The following CCDC18 variants were observed in gnomAD, a reference collection of about 807,000 sequenced individuals.
The protein encoded by CCDC18 is coiled-coil domain containing 18.
In CCDC18, 157 loss-of-function variants were observed where a neutral mutation model predicts 196.0. The observed-to-expected ratio is 0.80, with a 90% CI of 0.70 to 0.91. The LOEUF (loss-of-function observed/expected upper bound fraction) is 0.91, where lower values mean the gene tolerates loss of function less well. CCDC18 is among the 40% of genes least tolerant of loss of function. The pLI is 0.00. For missense variants in CCDC18, 1,465 were observed against 1,611.6 expected (o/e 0.91, Z 1.56); for synonymous variants, 482 against 529.2 (o/e 0.91, Z 1.22).
intron 23 of CCDC18, among the ~76,000 whole-genome samples, chr1:93,253,711 G>A (rs561602900): frequency 1.3e-5 from 2 of 152,334 alleles, no homozygotes; most frequent in South Asian, 4.1e-4. Flanking sequence ...TAGTATGCAT[G>A]ATTCCTTATG....
chr1:93,183,374 T>C lies in CCDC18; in HGVS notation c.13T>C (p.Ser5Pro). 1.3e-6 allele frequency: 2 copies of C among 1,565,116 alleles called. No homozygotes were observed. The highest frequency in any genetic ancestry group is 2.5e-5 in the South Asian group (2 of 81,544). The change falls in exon 2 of 29, where the codon TCA becomes CCA. Residue 5 changes from serine to proline, a missense_variant. Transcript: ENST00000690025. ...TTTTTTTTAAGAAATGGAATCTAGT[T>C]CATCAGACTACTATAATAAAGACAA... Reference protein sequence around the residue: MESSSSDYYNKDNEE... With the variant: MESSPSDYYNKDNEE...
chr1:93,180,820 C>A lies in CCDC18; in HGVS notation c.-35C>A. The A allele has an allele frequency of 7.3e-7, 1 of 1,367,750 alleles. No individual in the cohort carries two copies. Among genetic ancestry groups the A allele is most frequent in the Non-Finnish European group, 9.8e-7 (1 of 1,022,000 alleles). 84.7% of individuals were successfully genotyped at this position (1,367,750 alleles called of 1,614,324 possible). Reference sequence around the variant, plus strand: ...CGGGAAAGGGTCAGAGGCTTCCTAACGCAGACTCGAGTGCGAAGCGCGCAG... The same window carrying A: ...CGGGAAAGGGTCAGAGGCTTCCTAAAGCAGACTCGAGTGCGAAGCGCGCAG... On this transcript the variant is annotated 5_prime_UTR_variant, in exon 1 of 29. Transcript: ENST00000690025.
At chr1:93,229,051 C>T (rs534139068) in intron 17 of CCDC18, among the ~76,000 whole-genome samples, 2 of 152,216 alleles carry the variant, frequency 1.3e-5, no homozygotes, top group African/African-American at 2.4e-5. Flanking sequence ...GCCTTCCCAG[C>T]AGCTGGGATT....
At chr1:93,180,544 C>T (rs1649369575), upstream of CCDC18, 5 of 1,498,528 alleles carry the variant, frequency 3.3e-6, no homozygotes, top group African/African-American at 2.8e-5. Flanking sequence ...GCTTCCCCCA[C>T]CAATGGGCAT....
chr1:93,273,822 A>G (rs1665486475), intron 28 of CCDC18, among the ~76,000 whole-genome samples: 1 of 152,348 alleles, frequency 6.6e-6, no homozygotes, highest in Admixed American at 6.5e-5. Context: ...ACAGACTGTG[A>G]TCATAACAAT....
intron 16 of CCDC18, among the ~76,000 whole-genome samples, chr1:93,222,930 C>T (rs575352491): frequency 6.6e-6 from 1 of 152,038 alleles, no homozygotes; most frequent in South Asian, 2.1e-4. Flanking sequence ...TTTCCCTATT[C>T]TGTTTTTAAT....
intron 12 of CCDC18, 135 bp from the exon 13 acceptor site, chr1:93,216,501 T>A (rs1202498609): frequency 2.1e-6 from 1 of 483,372 alleles, no homozygotes; most frequent in Admixed American, 4.3e-5. Flanking sequence ...TCCTAAATGT[T>A]TATAACTGTA....
chr1:93,247,310 C>A (rs1282882512), intron 23 of CCDC18, among the ~76,000 whole-genome samples: 2 of 152,088 alleles, frequency 1.3e-5, no homozygotes, highest in Admixed American at 6.5e-5. Flanking sequence ...TTCTTGATTT[C>A]TTTTTCACAT....
Position 93,205,577 on chromosome 1 carries a change from A to G in CCDC18, c.863A>G (p.Gln288Arg). The change falls in exon 8 of 29, where the codon CAA becomes CGA. Residue 288 changes from glutamine (Q) to arginine (R), a missense_variant. Gln to Arg is a conservative substitution (Grantham distance 43). Transcript: ENST00000690025. ...TGTGAAAAAGAAAATAAAAGGCTAC[A>G]AGAAAGGTGTGGTCTATATAAAAGT... Reference protein sequence around the residue: ...TNCEKENKRLQERCGLYKSEL... With the variant: ...TNCEKENKRLRERCGLYKSEL... 1.1e-5 allele frequency: 18 copies of G among 1,597,206 alleles called. No individual in the cohort carries two copies. Among genetic ancestry groups the G allele is most frequent in the Non-Finnish European group, 1.5e-5 (18 of 1,167,954 alleles).
At position 93,254,941 on chromosome 1, in the gene CCDC18, C is replaced by CTTTTT. The variant is rs34139452; in HGVS notation, c.3342+352_3342+356dup. The stretch of plus-strand genomic sequence containing the variant: ...CTATGTAATAGAATTGAGGAGTCAG[C>CTTTTT]TTTTTTTTTTTTTTTTTTTTTTTTT... On this transcript the variant is annotated intron_variant, in intron 24 of 28. Coordinates refer to ENST00000690025, the MANE Select transcript of CCDC18 (RefSeq NM_001378204.1). Among the ~76,000 whole-genome samples, 85 of 44,290 alleles carry CTTTTT rather than the reference C, an allele frequency of 1.9e-3. 20 individuals are homozygous for CTTTTT. Among genetic ancestry groups the CTTTTT allele is most frequent in the Admixed American group, 2.5e-3 (6 of 2,370 alleles). 29.1% of individuals were successfully genotyped at this position (44,290 alleles called of 152,430 possible).
At chr1:93,251,770 A>G (rs1165085062) in intron 23 of CCDC18, among the ~76,000 whole-genome samples, 1 of 151,950 alleles carries the variant, frequency 6.6e-6, no homozygotes, top group East Asian at 1.9e-4. Context: ...TTTGGGTTTA[A>G]TCTGGTTAGC....
chr1:93,242,646 G>A (rs943299635), intron 21 of CCDC18, among the ~76,000 whole-genome samples: 8 of 152,310 alleles, frequency 5.3e-5, no homozygotes, highest in Middle Eastern at 3.4e-3. Context: ...TCTCATCTGA[G>A]ACAAGGCAAA....
intron 26 of CCDC18, among the ~76,000 whole-genome samples, chr1:93,260,509 A>T (rs1663634221): frequency 6.6e-6 from 1 of 152,204 alleles, no homozygotes; most frequent in Non-Finnish European, 1.5e-5. Flanking sequence ...ATAAAAATTT[A>T]CTTTTAAAAT....
chr1:93,259,401 GTAT>G (rs1159704972), intron 26 of CCDC18, among the ~76,000 whole-genome samples: 12 of 152,112 alleles, frequency 7.9e-5, no homozygotes, highest in African/African-American at 2.9e-4. Flanking sequence ...GAAATGGGCA[GTAT>G]TATTGACTAG....
At chr1:93,246,043 A>T (rs1661454423) in intron 21 of CCDC18, 62 bp from the exon 22 acceptor site, 1 of 1,146,524 alleles carries the variant, frequency 8.7e-7, no homozygotes, top group Non-Finnish European at 1.2e-6. Flanking sequence ...TGGTTGACCT[A>T]ACTTTTTAAA....
chr1:93,207,017 T>A, intron 8 of CCDC18, 90 bp from the exon 9 acceptor site: 1 of 730,240 alleles, frequency 1.4e-6, no homozygotes, highest in Non-Finnish European at 2.1e-6. Context: ...GAATTAAGCT[T>A]CAAAAAATTT....
At chr1:93,181,609 T>G (rs1374365840) in intron 1 of CCDC18, among the ~76,000 whole-genome samples, 1 of 151,608 alleles carries the variant, frequency 6.6e-6, no homozygotes, top group Admixed American at 6.6e-5. Context: ...TGCAGAAGAG[T>G]TAGGGAGTTC....
At chr1:93,209,629 C>G (rs1354973663) in intron 9 of CCDC18, among the ~76,000 whole-genome samples, 1 of 152,222 alleles carries the variant, frequency 6.6e-6, no homozygotes, top group Non-Finnish European at 1.5e-5. Context: ...AACATAAGAT[C>G]TTAGCTCCTC....
Position 93,246,904 on chromosome 1 carries a change from GA to G in CCDC18, c.3150del (p.Gly1051ValfsTer17). On this transcript the variant is annotated frameshift_variant, in exon 23 of 29. Transcript: ENST00000690025. LOFTEE classifies it high-confidence loss of function. ...AATGGAACAAAAAATAATTAAATTA[GA>G]AGGTACTCTGGAGAAATCAGAATTG... is the stretch of plus-strand genomic sequence containing the variant. The part of the protein sequence containing the change: ...GEMEQKIIKL[E>X]GTLEKSELEL... 2 of 1,534,050 alleles carry G rather than the reference GA, an allele frequency of 1.3e-6. No homozygotes were observed. The highest frequency in any genetic ancestry group is 1.9e-5 in the Admixed American group (1 of 53,544).
Sources: gnomAD v4.1 joint callset for allele counts (sites outside exome capture counted in the v4.1 genomes callset) on GRCh38, gnomAD v4.1.1 for gene constraint, MANE v1.5 for transcripts, NCBI Gene and HGNC (gene_info 2026-07-23, HGNC 2026-07-21) for gene names.